The following VAC14 variants were observed in gnomAD, a reference collection of about 807,000 sequenced individuals.
VAC14 encodes the protein protein VAC14 homolog.
VAC14 carries 47 observed loss-of-function variants against 85.3 expected under a neutral mutation model. That is an observed-to-expected ratio of 0.55 (90% CI 0.44 to 0.70). The LOEUF (loss-of-function observed/expected upper bound fraction) is 0.70, where lower values mean the gene tolerates loss of function less well. VAC14 is among the 30% of genes least tolerant of loss of function. The pLI is 0.00. For missense variants in VAC14, 861 were observed against 1,004.3 expected (o/e 0.86, Z 1.93); for synonymous variants, 447 against 430.5 (o/e 1.04, Z -0.47).
At chr16:70,777,937 C>A (rs2033604830) in intron 9 of VAC14, among the ~76,000 whole-genome samples, 1 of 152,186 alleles carries the variant, frequency 6.6e-6, no homozygotes, top group Non-Finnish European at 1.5e-5. Flanking sequence ...CTGCGGCTGG[C>A]AGGGACTGTC....
intron 12 of VAC14, among the ~76,000 whole-genome samples, chr16:70,748,140 G>C (rs1438433990): frequency 6.6e-6 from 1 of 151,108 alleles, no homozygotes; most frequent in Non-Finnish European, 1.5e-5. Flanking sequence ...CCCCAAACCT[G>C]AGCCTGCTGA....
chr16:70,752,699 G>A (rs570361805), intron 12 of VAC14, among the ~76,000 whole-genome samples: 1 of 152,240 alleles, frequency 6.6e-6, no homozygotes, highest in Non-Finnish European at 1.5e-5. Flanking sequence ...GTCCCCGAGC[G>A]AAGGATGCAG....
chr16:70,757,215 G>C (rs2031941091), intron 12 of VAC14, among the ~76,000 whole-genome samples: 1 of 152,198 alleles, frequency 6.6e-6, no homozygotes, highest in Non-Finnish European at 1.5e-5. Flanking sequence ...GCTGGTGACT[G>C]AGCCCAGCAG....
chr16:70,698,840 C>A (rs748825105), intron 14 of VAC14, 29 bp from the exon 15 acceptor site: 1 of 1,610,578 alleles, frequency 6.2e-7, no homozygotes, highest in Non-Finnish European at 8.5e-7. Context: ...GGGGTCAGGG[C>A]GCAGGCCGAC....
intron 12 of VAC14, among the ~76,000 whole-genome samples, chr16:70,752,333 AAAG>A (rs550591276): frequency 8.7e-4 from 133 of 152,302 alleles, no homozygotes; most frequent in Non-Finnish European, 1.4e-3. Context: ...GTAAAGGAGA[AAAG>A]AAAGGCCAGC....
chr16:70,772,062 A>C (rs1488640061), intron 10 of VAC14, 47 bp downstream of exon 10: 15 of 1,579,760 alleles, frequency 9.5e-6, no homozygotes, highest in Non-Finnish European at 1.3e-5. Flanking sequence ...GGAAAGATCT[A>C]GGCCGCTCGC....
chr16:70,764,838 C>T (rs1202926328), intron 10 of VAC14, among the ~76,000 whole-genome samples: 1 of 152,192 alleles, frequency 6.6e-6, no homozygotes, highest in Non-Finnish European at 1.5e-5. Context: ...CAGTCCACGC[C>T]AGGACTTTCT....
At chr16:70,744,689 T>C in intron 12 of VAC14, 110 bp from the exon 13 acceptor site, 2 of 1,354,778 alleles carry the variant, frequency 1.5e-6, no homozygotes, top group South Asian at 3.0e-5. Context: ...GGGAGGGGTC[T>C]GCAGATGACA....
At chr16:70,734,233 G>A (rs781143951) in intron 13 of VAC14, among the ~76,000 whole-genome samples, 1 of 151,942 alleles carries the variant, frequency 6.6e-6, no homozygotes, top group Non-Finnish European at 1.5e-5. Flanking sequence ...CAAACTCCTG[G>A]GCTCGAGCAA....
chr16:70,745,943 G>A (rs1230511102), intron 12 of VAC14, among the ~76,000 whole-genome samples: 4 of 152,330 alleles, frequency 2.6e-5, no homozygotes, highest in African/African-American at 9.6e-5. Context: ...GCACTGTAGG[G>A]CTCCTACTGA....
intron 14 of VAC14, among the ~76,000 whole-genome samples, chr16:70,702,171 T>C (rs1252955985): frequency 6.6e-6 from 1 of 152,220 alleles, no homozygotes; most frequent in Non-Finnish European, 1.5e-5. Flanking sequence ...TTTTGTGCTG[T>C]GCAAACACCA....
intron 18 of VAC14, among the ~76,000 whole-genome samples, chr16:70,692,202 C>G (rs2053610168): frequency 6.6e-6 from 1 of 151,680 alleles, no homozygotes; most frequent in Non-Finnish European, 1.5e-5. Context: ...TGACCAGAGG[C>G]TGCCAAGCTG....
chr16:70,784,807 C>T lies in VAC14; in HGVS notation c.455G>A (p.Ser152Asn), dbSNP rs2143270762. 1 of 1,614,156 alleles carries T rather than the reference C, an allele frequency of 6.2e-7. No individual in the cohort carries two copies. Among genetic ancestry groups the T allele is most frequent in the South Asian group, 1.1e-5 (1 of 91,084 alleles). The change falls in exon 4 of 19, where the codon AGC becomes AAC. Residue 152 changes from serine (S) to asparagine (N), a missense_variant. By Grantham distance (46) the Ser-to-Asn change is conservative. Coordinates refer to ENST00000261776, the MANE Select transcript of VAC14 (RefSeq NM_018052.5). ...LAADPDPNVK[S>N]GSELLDRLLK... ...AAGGCGGTCTAGGAGCTCAGATCCGCTTTTCACATTGGGGTCTGGGTCGGC... is the reference window on the plus strand; with the variant it reads ...AAGGCGGTCTAGGAGCTCAGATCCGTTTTTCACATTGGGGTCTGGGTCGGC...
chr16:70,698,898 A>T, intron 14 of VAC14, 87 bp from the exon 15 acceptor site: 1 of 1,303,046 alleles, frequency 7.7e-7, no homozygotes, highest in Non-Finnish European at 1.0e-6. Flanking sequence ...TTGGTTTTGC[A>T]GCGTCCTGGG....
At chr16:70,693,323 T>C (rs1025364317) in intron 17 of VAC14, among the ~76,000 whole-genome samples, 1 of 152,160 alleles carries the variant, frequency 6.6e-6, no homozygotes, top group African/African-American at 2.4e-5. Flanking sequence ...CGCCCCCCGC[T>C]CAGCTGCCTC....
rs568965901 is a variant in VAC14 at position 70,720,197 on chromosome 16, G to A, written c.1661+11298C>T. On this transcript the variant is annotated intron_variant, in intron 14 of 18. Coordinates refer to ENST00000261776, the MANE Select transcript of VAC14 (RefSeq NM_018052.5). ...AGGCGGGGAGGGGCTGTCACTTGCAGGAGACGTGAAAGTGACCTCTCTGGT... is the reference window on the plus strand; with the variant it reads ...AGGCGGGGAGGGGCTGTCACTTGCAAGAGACGTGAAAGTGACCTCTCTGGT... Among the ~76,000 whole-genome samples, 51 of 152,296 alleles carry A rather than the reference G, an allele frequency of 3.3e-4. 1 individual carries two copies. The South Asian group carries it at 0.01, about 31-fold the overall frequency.
intron 16 of VAC14, chr16:70,695,836 T>G (rs1394456876): frequency 7.6e-6 from 4 of 526,166 alleles, no homozygotes; most frequent in Non-Finnish European, 1.0e-5. Context: ...CAGGTTCCAC[T>G]CTAGCAGCTG....
intron 1 of VAC14, 56 bp downstream of exon 1, chr16:70,800,740 TG>T: frequency 6.7e-7 from 1 of 1,497,494 alleles, no homozygotes; most frequent in Non-Finnish European, 9.2e-7. Context: ...GAAGTCCCCC[TG>T]GGGAGCAGAG....
chr16:70,793,743 A>T (rs1368401991), intron 1 of VAC14, among the ~76,000 whole-genome samples: 1 of 152,216 alleles, frequency 6.6e-6, no homozygotes, highest in Non-Finnish European at 1.5e-5. Flanking sequence ...ATGACTTTAC[A>T]GGGCTTTTAG....
Sources: gnomAD v4.1 joint callset for allele counts (sites outside exome capture counted in the v4.1 genomes callset) on GRCh38, gnomAD v4.1.1 for gene constraint, MANE v1.5 for transcripts, NCBI Gene and HGNC (gene_info 2026-07-23, HGNC 2026-07-21) for gene names.